HCN1: variants seen among roughly 807,000 people sequenced by gnomAD.
HCN1 encodes potassium/sodium hyperpolarization-activated cyclic nucleotide-gated channel 1.
A neutral mutation model predicts 78.9 loss-of-function variants in HCN1; 13 were observed. That is an observed-to-expected ratio of 0.16 (90% confidence interval 0.11 to 0.26). The LOEUF is 0.26. Ranked by LOEUF, HCN1 falls within the 10% of genes least tolerant of loss-of-function variation. The pLI is 1.00. For synonymous variants in HCN1, 552 were observed against 455.5 expected, an observed-to-expected ratio of 1.21 and a Z score of -2.70; for missense variants, 810 against 1,154.3, an observed-to-expected ratio of 0.70 and a Z score of 4.32.
chr5:45,596,142 C>A (rs996837422), intron 2 of HCN1, among the ~76,000 whole-genome samples: 2 of 152,112 alleles, frequency 1.3e-5, no homozygotes, highest in African/African-American at 4.8e-5. Flanking sequence ...TTGTGATCCA[C>A]CCGCCTTGGC....
intron 2 of HCN1, among the ~76,000 whole-genome samples, chr5:45,525,184 C>G (rs895427628): frequency 6.6e-6 from 1 of 152,058 alleles, no homozygotes; most frequent in Admixed American, 6.6e-5. Flanking sequence ...ATTGAACCAG[C>G]CTTACATCCC....
At chr5:45,668,310 C>T (rs1421238430) in intron 1 of HCN1, among the ~76,000 whole-genome samples, 2 of 151,788 alleles carry the variant, frequency 1.3e-5, no homozygotes, top group Non-Finnish European at 2.9e-5. Flanking sequence ...ATCATGGGGG[C>T]ACTTTCCCCT....
At chr5:45,375,152 A>G (rs1444866393) in intron 4 of HCN1, among the ~76,000 whole-genome samples, 5 of 121,936 alleles carry the variant, frequency 4.1e-5, no homozygotes, top group African/African-American at 1.3e-4. Context: ...TATATAATGT[A>G]TTATATATAA....
intron 4 of HCN1, among the ~76,000 whole-genome samples, chr5:45,356,763 A>C (rs1211943024): frequency 6.6e-6 from 1 of 152,028 alleles, no homozygotes; most frequent in African/African-American, 2.4e-5. Context: ...TCCCTCGTTC[A>C]CTTTCATTTG....
rs1411355374 is a variant in HCN1 at position 45,262,021 on chromosome 5, G to A, written c.2573C>T (p.Pro858Leu). The change falls in exon 8 of 8, where the codon CCA (proline) becomes CTA (leucine). Residue 858 changes from proline (P) to leucine (L), a missense_variant. Physicochemically the swap from Pro to Leu is moderately conservative, Grantham distance 98. Transcript: ENST00000303230. ...GAIPPNRGVP[P>L]APPPPAAALP... ...AGCAGCTGCTGGTGGAGGGGGTGCTGGAGGGACTCCTCGGTTCGGGGGGAT... is the reference window on the plus strand; with the variant it reads ...AGCAGCTGCTGGTGGAGGGGGTGCTAGAGGGACTCCTCGGTTCGGGGGGAT... The A allele has an allele frequency of 6.2e-7, 1 of 1,614,092 alleles. No homozygotes were observed. Among genetic ancestry groups the A allele is most frequent in the Non-Finnish European group, 8.5e-7 (1 of 1,180,012 alleles).
At chr5:45,549,901 T>A (rs1220051385) in intron 2 of HCN1, among the ~76,000 whole-genome samples, 2 of 152,138 alleles carry the variant, frequency 1.3e-5, no homozygotes, top group Non-Finnish European at 2.9e-5. Context: ...GAAAAAATGC[T>A]CATCATCACT....
At chr5:45,295,089 C>A (rs1039563666) in intron 6 of HCN1, among the ~76,000 whole-genome samples, 1 of 151,986 alleles carries the variant, frequency 6.6e-6, no homozygotes, top group Non-Finnish European at 1.5e-5. Context: ...AGCACCCCAA[C>A]ACTCACCACA....
chr5:45,340,270 T>G (rs763049303), intron 5 of HCN1, among the ~76,000 whole-genome samples: 2 of 152,306 alleles, frequency 1.3e-5, no homozygotes. Flanking sequence ...TCTTGTTATC[T>G]TCATTATATA....
chr5:45,659,208 C>G (rs927434018), intron 1 of HCN1, among the ~76,000 whole-genome samples: 10 of 147,784 alleles, frequency 6.8e-5, no homozygotes, highest in Non-Finnish European at 1.2e-4. Flanking sequence ...ACACCTCACA[C>G]GGCAGGGTAT....
rs545994397 is a variant in HCN1, at chr5:45,525,652, C to T, written c.850-63645G>A. On this transcript the variant is annotated intron_variant, in intron 2 of 7. Coordinates refer to ENST00000303230, the MANE Select transcript of HCN1 (RefSeq NM_021072.4). ...TAAGTTCAAGTAAACATTATTGCTC[C>T]ATTCTGCAAATGAGAAATAGGAGGA... Among the ~76,000 whole-genome samples the T allele has an allele frequency of 3.3e-5, 5 of 152,042 alleles. No homozygotes were observed. In the South Asian group the frequency reaches 1.0e-3, roughly 32 times the overall value.
chr5:45,683,310 T>G (rs1195122705), intron 1 of HCN1, among the ~76,000 whole-genome samples: 1 of 152,128 alleles, frequency 6.6e-6, no homozygotes, highest in East Asian at 1.9e-4. Flanking sequence ...CTTTTATAGA[T>G]TCCAATCATT....
intron 2 of HCN1, among the ~76,000 whole-genome samples, chr5:45,509,045 T>C (rs1232358702): frequency 6.6e-6 from 1 of 152,158 alleles, no homozygotes; most frequent in Non-Finnish European, 1.5e-5. Flanking sequence ...AGTAAAATAA[T>C]GATTTTCCTT....
At chr5:45,389,646 G>A (rs1222399068) in intron 4 of HCN1, among the ~76,000 whole-genome samples, 1 of 152,082 alleles carries the variant, frequency 6.6e-6, no homozygotes, top group Non-Finnish European at 1.5e-5. Context: ...CAAATAACAC[G>A]ACAACTTATA....
chr5:45,313,390 G>T (rs1350028867), intron 5 of HCN1, among the ~76,000 whole-genome samples: 1 of 151,902 alleles, frequency 6.6e-6, no homozygotes, highest in Non-Finnish European at 1.5e-5. Context: ...AAAGACCAAA[G>T]GTAGATAAAA....
intron 5 of HCN1, among the ~76,000 whole-genome samples, chr5:45,322,791 C>T (rs1445571217): frequency 6.6e-6 from 1 of 151,748 alleles, no homozygotes; most frequent in Non-Finnish European, 1.5e-5. Context: ...GCTCAACCTG[C>T]AGTTACATTA....
chr5:45,638,732 G>T (rs1016971978), intron 2 of HCN1, among the ~76,000 whole-genome samples: 6 of 152,074 alleles, frequency 3.9e-5, no homozygotes, highest in Admixed American at 3.9e-4. Context: ...GTGAAACCCT[G>T]TCTCTACTAC....
chr5:45,414,889 T>C (rs1324456719), intron 3 of HCN1, among the ~76,000 whole-genome samples: 6 of 152,052 alleles, frequency 3.9e-5, no homozygotes, highest in Non-Finnish European at 7.4e-5. Context: ...TGACTTGGCA[T>C]CCTTAATAAC....
chr5:45,576,726 A>G (rs1022016433), intron 2 of HCN1: 2 of 152,152 alleles, frequency 1.3e-5, no homozygotes, highest in African/African-American at 4.8e-5. Flanking sequence ...TAAACATAAC[A>G]TTTATATGCA....
intron 5 of HCN1, among the ~76,000 whole-genome samples, chr5:45,319,939 G>A (rs1386756779): frequency 2.0e-5 from 3 of 151,632 alleles, no homozygotes; most frequent in African/African-American, 7.3e-5. Context: ...GTCCAATTTC[G>A]TGAAACCTCT....
Sources: gnomAD v4.1 joint callset for allele counts (sites outside exome capture counted in the v4.1 genomes callset) on GRCh38, gnomAD v4.1.1 for gene constraint, MANE v1.5 for transcripts, NCBI Gene and HGNC (gene_info 2026-07-23, HGNC 2026-07-21) for gene names.